Variants in TSC1 observed in about 807,000 individuals in gnomAD.
TSC1 encodes TSC complex subunit 1, also known as hamartin.
Under a neutral mutation model 124.3 loss-of-function variants are expected in TSC1, and 20 were observed. That is an observed-to-expected ratio of 0.16 (90% CI 0.11 to 0.23). TSC1 has a LOEUF of 0.23. TSC1 is among the 10% of genes least tolerant of loss of function. The pLI is 1.00. For missense variants in TSC1, 1,124 were observed against 1,448.5 expected (o/e 0.78, Z 3.64); for synonymous variants, 493 against 539.1 (o/e 0.91, Z 1.19).
intron 1 of TSC1, chr9:132,940,903 G>A (rs1342425914): frequency 1.3e-5 from 2 of 152,162 alleles, no homozygotes; most frequent in South Asian, 2.1e-4. Context: ...ACTATGCTCT[G>A]TGAACTACTC....
At chr9:132,934,021 A>G (rs1267092502) in intron 2 of TSC1, among the ~76,000 whole-genome samples, 2 of 152,234 alleles carry the variant, frequency 1.3e-5, no homozygotes, top group Non-Finnish European at 2.9e-5. Context: ...ACAGTCTACA[A>G]TTTGTATCAA....
At position 132,923,926 on chromosome 9, in the gene TSC1, A is replaced by G. The variant is rs1286788488; in HGVS notation, c.364-434T>C. The stretch of plus-strand genomic sequence containing the variant: ...TTTTTGTTAATTAAAAAAAAAAAAA[A>G]CTGCACATTGACAAGTAACTTACTA... On this transcript the variant is annotated intron_variant, in intron 5 of 22. Coordinates refer to ENST00000298552, the MANE Select transcript of TSC1 (RefSeq NM_000368.5). This position sits in a 1 kb window ranked among gnomAD's most constrained non-coding sequence, Gnocchi z 4.2. Among the ~76,000 whole-genome samples the G allele has an allele frequency of 6.6e-6, 1 of 152,028 alleles. No homozygotes were observed. The highest frequency in any genetic ancestry group is 1.5e-5 in the Non-Finnish European group (1 of 68,002).
At chr9:132,916,766 A>G (rs1846288601) in intron 8 of TSC1, among the ~76,000 whole-genome samples, 1 of 152,228 alleles carries the variant, frequency 6.6e-6, no homozygotes, top group African/African-American at 2.4e-5. Context: ...ATCTTCCAGA[A>G]GAGCTCCCTT....
chr9:132,915,694 T>C (rs1846241221), intron 8 of TSC1, among the ~76,000 whole-genome samples: 1 of 152,244 alleles, frequency 6.6e-6, no homozygotes, highest in South Asian at 2.1e-4. Flanking sequence ...GGGCACTCCA[T>C]AGGTTTACCT....
chr9:132,895,235 T>C lies in TSC1; in HGVS notation c.*1000A>G, dbSNP rs886063610. ...TCACATACACTTTGCAGAAACTCTT[T>C]GGACCTTCAGAGCCTTTCTGCTGCA... On this transcript the variant is annotated 3_prime_UTR_variant, in exon 23 of 23. Transcript: ENST00000298552. The C allele has an allele frequency of 4.3e-5, 10 of 233,300 alleles. No individual in the cohort carries two copies. In the East Asian group the frequency reaches 4.8e-4, roughly 11 times the overall value. 14.5% of individuals were successfully genotyped at this position (233,300 alleles called of 1,614,324 possible). A position where few individuals can be genotyped will look rare whatever the true frequency, so the allele number is the denominator to read the frequency against.
intron 20 of TSC1, chr9:132,900,425 C>T: frequency 2.3e-6 from 1 of 425,792 alleles, no homozygotes; most frequent in South Asian, 2.1e-5. Flanking sequence ...TTCTCTCTCC[C>T]TCTTTGAAAG....
chr9:132,895,149 C>G lies in TSC1; in HGVS notation c.*1086G>C, dbSNP rs1165633671. 1 of 233,254 alleles carries G rather than the reference C, an allele frequency of 4.3e-6. No homozygotes were observed. The highest frequency in any genetic ancestry group is 6.1e-5 in the East Asian group (1 of 16,526). The allele number at this position is 233,254 out of a possible 1,614,324, so 14.4% of individuals were successfully genotyped here. A position where few individuals can be genotyped will look rare whatever the true frequency, so the allele number is the denominator to read the frequency against. On this transcript the variant is annotated 3_prime_UTR_variant, in exon 23 of 23. Coordinates refer to ENST00000298552, the MANE Select transcript of TSC1 (RefSeq NM_000368.5). The stretch of plus-strand genomic sequence containing the variant: ...TGGAATTGGTATGAAAAAGCTGCCC[C>G]TCTTCTGGTAGCCTAGAACCTGCTA...
At chr9:132,944,623 T>G, upstream of TSC1, 2 of 398,256 alleles carry the variant, frequency 5.0e-6, no homozygotes, top group Non-Finnish European at 8.8e-6. Flanking sequence ...GTACAGCACC[T>G]CCCCCGTCGT....
chr9:132,923,783 T>A lies in TSC1; in HGVS notation c.364-291A>T. On this transcript the variant is annotated intron_variant, in intron 5 of 22. Transcript: ENST00000298552. The surrounding 1 kb of genome is among the most constrained non-coding windows in gnomAD (Gnocchi z 4.2). The stretch of plus-strand genomic sequence containing the variant: ...ACTTGACTTGGGGACACCCAAGTCC[T>A]GCAGCCTTAGGATGCCCTATTGATA... 2 of 404,888 alleles carry A rather than the reference T, an allele frequency of 4.9e-6. No individual in the cohort carries two copies. Among genetic ancestry groups the A allele is most frequent in the Non-Finnish European group, 9.2e-6 (2 of 217,086 alleles). The allele number at this position is 404,888 out of a possible 1,614,324, so 25.1% of individuals were successfully genotyped here. A position where few individuals can be genotyped will look rare whatever the true frequency, so the allele number is the denominator to read the frequency against.
intron 12 of TSC1, among the ~76,000 whole-genome samples, chr9:132,907,592 C>A (rs757083475): frequency 8.9e-4 from 136 of 152,206 alleles, no homozygotes; most frequent in Middle Eastern, 3.4e-3. Flanking sequence ...TGGGTTCAAG[C>A]GATTCTCCTG....
chr9:132,944,991 A>G (rs1348776388), upstream of TSC1, among the ~76,000 whole-genome samples: 2 of 152,026 alleles, frequency 1.3e-5, no homozygotes, highest in Admixed American at 1.3e-4. Flanking sequence ...AGAGGCGTAA[A>G]CAAGCTGGCG....
Position 132,896,752 on chromosome 9 carries a change from A to G in TSC1, c.2978T>C (p.Leu993Pro), listed in dbSNP as rs1261409901. 3 of 1,613,736 alleles carry G rather than the reference A, an allele frequency of 1.9e-6. No homozygotes were observed. The change falls in exon 23 of 23, where the codon CTT becomes CCT. Residue 993 changes from leucine to proline, a missense_variant and splice_region_variant. Leu to Pro is a moderately conservative substitution (Grantham distance 98). Coordinates refer to ENST00000298552, the MANE Select transcript of TSC1 (RefSeq NM_000368.5). The surrounding 1 kb of genome is among the most constrained non-coding windows in gnomAD (Gnocchi z 4.5). The stretch of plus-strand genomic sequence containing the variant: ...TGAGCACCCGTCATTACAACAGTCA[A>G]GCCTGTAAGAAAGCCGGGGAGGAAA... ...AEAAEAAEER[L>P]DCCNDGCSDS...
rs1846571582 is a variant in TSC1 at position 132,921,793 on chromosome 9, C to G, written c.663+26G>C. ...CCTATCTAAACAGTATACTAAGTAGCAAACAAACAAGCAGTTTCAATTTAC... is the reference window on the plus strand; with the variant it reads ...CCTATCTAAACAGTATACTAAGTAGGAAACAAACAAGCAGTTTCAATTTAC... On this transcript the variant is annotated intron_variant, in intron 7 of 22. Coordinates refer to ENST00000298552, the MANE Select transcript of TSC1 (RefSeq NM_000368.5). This position sits in a 1 kb window ranked among gnomAD's most constrained non-coding sequence, Gnocchi z 4.3. The G allele has an allele frequency of 6.2e-7, 1 of 1,613,588 alleles. No individual in the cohort carries two copies. The highest frequency in any genetic ancestry group is 8.5e-7 in the Non-Finnish European group (1 of 1,179,772).
chr9:132,917,530 C>G (rs1469847711), intron 8 of TSC1, among the ~76,000 whole-genome samples: 1 of 152,160 alleles, frequency 6.6e-6, no homozygotes, highest in African/African-American at 2.4e-5. Flanking sequence ...GGAGGTTTCA[C>G]CATGTTGGCC....
In TSC1 at chr9:132,896,808, C is replaced by A; in HGVS notation, c.2976-54G>T. The A allele has an allele frequency of 6.2e-7, 1 of 1,612,744 alleles. No homozygotes were observed. Among genetic ancestry groups the A allele is most frequent in the South Asian group, 1.1e-5 (1 of 90,818 alleles). On this transcript the variant is annotated intron_variant, in intron 22 of 22. Coordinates refer to ENST00000298552, the MANE Select transcript of TSC1 (RefSeq NM_000368.5). The surrounding 1 kb of genome is among the most constrained non-coding windows in gnomAD (Gnocchi z 4.5). The stretch of plus-strand genomic sequence containing the variant: ...AGCTGGTGATTGGACTGTCCACATT[C>A]GGAGGATGTGGAATTACACTGACAC...
At position 132,923,770 on chromosome 9, in the gene TSC1, G is replaced by A; in HGVS notation, c.364-278C>T. Reference sequence around the variant, plus strand: ...GAGACGAGTTCAAACTTGACTTGGGGACACCCAAGTCCTGCAGCCTTAGGA... The same window carrying A: ...GAGACGAGTTCAAACTTGACTTGGGAACACCCAAGTCCTGCAGCCTTAGGA... On this transcript the variant is annotated intron_variant, in intron 5 of 22. Transcript: ENST00000298552. The surrounding 1 kb of genome is among the most constrained non-coding windows in gnomAD (Gnocchi z 4.2). 2 of 442,520 alleles carry A rather than the reference G, an allele frequency of 4.5e-6. No individual in the cohort carries two copies. The highest frequency in any genetic ancestry group is 8.3e-6 in the Non-Finnish European group (2 of 240,242). The allele number at this position is 442,520 out of a possible 1,614,324, so 27.4% of individuals were successfully genotyped here.
rs1588287797 is a variant in TSC1, at chr9:132,896,643, ACTG to A, written c.3084_3086del (p.Ser1030del). ...TGCCTCCACCACCTCTGCTTCCACT[ACTG>A]CCCCGGGCGCTGCTGGGCCTGGGGG... On this transcript the variant is annotated inframe_deletion, in exon 23 of 23. Transcript: ENST00000298552. The surrounding 1 kb of genome is among the most constrained non-coding windows in gnomAD (Gnocchi z 4.5). 1 of 1,613,712 alleles carries A rather than the reference ACTG, an allele frequency of 6.2e-7. No individual in the cohort carries two copies.
At chr9:132,899,357 A>G (rs1303267882) in intron 20 of TSC1, 1 of 152,280 alleles carries the variant, frequency 6.6e-6, no homozygotes, top group Non-Finnish European at 1.5e-5. Context: ...GCTGGAAGAC[A>G]AGGTCTGCAG....
At chr9:132,913,157 TACTG>T (rs747277597) in intron 8 of TSC1, among the ~76,000 whole-genome samples, 10 of 152,058 alleles carry the variant, frequency 6.6e-5, no homozygotes, top group Non-Finnish European at 1.3e-4. Flanking sequence ...GTCTCGAACT[TACTG>T]GCCTCAAATG....
Sources: gnomAD v4.1 joint callset for allele counts (sites outside exome capture counted in the v4.1 genomes callset) on GRCh38, gnomAD v4.1.1 for gene constraint, Gnocchi (gnomAD v3.1) non-coding constraint, MANE v1.5 for transcripts, NCBI Gene and HGNC (gene_info 2026-07-23, HGNC 2026-07-21) for gene names.